Variants in DDR2 observed in about 807,000 individuals in gnomAD.
DDR2 encodes the protein discoidin domain receptor tyrosine kinase 2.
DDR2 carries 27 observed loss-of-function variants against 94.9 expected under a neutral mutation model. The ratio of observed to expected loss-of-function variants is 0.28; its 90% CI spans 0.21 to 0.39. The LOEUF (loss-of-function observed/expected upper bound fraction) is 0.39. Ranked by LOEUF, DDR2 falls within the 10% of genes least tolerant of loss-of-function variation. The pLI is 1.00. For missense variants in DDR2, 783 were observed against 1,076.0 expected (o/e 0.73, Z 3.81); for synonymous variants, 382 against 377.2 (o/e 1.01, Z -0.15).
At chr1:162,767,840 A>G (rs920474836) in intron 11 of DDR2, among the ~76,000 whole-genome samples, 2 of 27,334 alleles carry the variant, frequency 7.3e-5, no homozygotes, top group Admixed American at 7.8e-4. Context: ...GTGTAGAAAA[A>G]CATCCAGCTT....
intron 2 of DDR2, among the ~76,000 whole-genome samples, chr1:162,682,431 C>T (rs1312118842): frequency 6.6e-6 from 1 of 152,204 alleles, no homozygotes; most frequent in East Asian, 1.9e-4. Flanking sequence ...GACCAGTGAA[C>T]TGGAACTTTA....
At chr1:162,705,349 T>G (rs61811983) in intron 2 of DDR2, among the ~76,000 whole-genome samples, 14,176 of 152,312 alleles carry the variant, frequency 0.093, 730 homozygotes, top group Non-Finnish European at 0.11. Context: ...TGTGGGCTTC[T>G]CTCACCATGT....
At chr1:162,742,101 G>A (rs73026525) in intron 3 of DDR2, among the ~76,000 whole-genome samples, 239 of 152,240 alleles carry the variant, frequency 1.6e-3, no homozygotes, top group African/African-American at 5.4e-3. Context: ...GTTCAGATTT[G>A]CCCTTAAGAT....
intron 2 of DDR2, among the ~76,000 whole-genome samples, chr1:162,664,645 A>G (rs1311547513): frequency 1.3e-5 from 2 of 152,202 alleles, no homozygotes; most frequent in Non-Finnish European, 2.9e-5. Context: ...CATAGAAGAA[A>G]ACTCTAATGA....
In DDR2 at chr1:162,780,151, T is replaced by C; in HGVS notation, c.2473T>C (p.Tyr825His). Residue 825 changes from tyrosine (Y) to histidine (H), a missense_variant, in exon 18 of 18, where the codon TAT (tyrosine) becomes CAT (histidine). Tyr to His is a moderately conservative substitution (Grantham distance 83). Coordinates refer to ENST00000367921, the MANE Select transcript of DDR2 (RefSeq NM_006182.4). The stretch of plus-strand genomic sequence containing the variant: ...ACCAGCCATTTGTCCTGACTCTGTG[T>C]ATAAGCTGATGCTCAGCTGCTGGAG... ...PQPAICPDSV[Y>H]KLMLSCWRRD... 1 of 1,614,066 alleles carries C rather than the reference T, an allele frequency of 6.2e-7. No individual in the cohort carries two copies. Among genetic ancestry groups the C allele is most frequent in the Non-Finnish European group, 8.5e-7 (1 of 1,179,926 alleles).
In DDR2 at chr1:162,786,181, C is replaced by T. The variant is rs1171139032; in HGVS notation, c.*5935C>T. ...CTTGGACACAATTGAAAGCTGGCTTCCTGCAAACACACCAAGAGTCTGTAA... is the reference window on the plus strand; with the variant it reads ...CTTGGACACAATTGAAAGCTGGCTTTCTGCAAACACACCAAGAGTCTGTAA... On this transcript the variant is annotated 3_prime_UTR_variant, in exon 18 of 18. Coordinates refer to ENST00000367921, the MANE Select transcript of DDR2 (RefSeq NM_006182.4). 1.3e-5 allele frequency: 2 copies of T among 152,198 alleles called. No individual in the cohort carries two copies. The highest frequency in any genetic ancestry group is 3.8e-4 in the East Asian group (2 of 5,202). The allele number at this position is 152,198 out of a possible 1,614,324, so 9.4% of individuals were successfully genotyped here. A position where few individuals can be genotyped will look rare whatever the true frequency, so the allele number is the denominator to read the frequency against.
chr1:162,641,722 G>A (rs987250555), intron 1 of DDR2, among the ~76,000 whole-genome samples: 1 of 152,144 alleles, frequency 6.6e-6, no homozygotes, highest in Non-Finnish European at 1.5e-5. Context: ...AATTGGTTAT[G>A]CCGTTAAGAT....
At chr1:162,663,692 A>G (rs1236517162) in intron 2 of DDR2, among the ~76,000 whole-genome samples, 1 of 151,892 alleles carries the variant, frequency 6.6e-6, no homozygotes, top group Non-Finnish European at 1.5e-5. Context: ...AGTGGAGGGG[A>G]CTTGACTACA....
At chr1:162,735,375 C>G (rs1448522724) in intron 3 of DDR2, among the ~76,000 whole-genome samples, 1 of 152,182 alleles carries the variant, frequency 6.6e-6, no homozygotes, top group African/African-American at 2.4e-5. Context: ...CCTACTTCCT[C>G]TAGTTCTCAA....
chr1:162,677,434 G>T (rs541094472), intron 2 of DDR2, among the ~76,000 whole-genome samples: 4 of 152,182 alleles, frequency 2.6e-5, no homozygotes, highest in Non-Finnish European at 5.9e-5. Flanking sequence ...GCTGATTACA[G>T]TTTGCAATGC....
At chr1:162,647,977 C>A (rs1421241520) in intron 1 of DDR2, among the ~76,000 whole-genome samples, 2 of 152,186 alleles carry the variant, frequency 1.3e-5, no homozygotes, top group Non-Finnish European at 2.9e-5. Flanking sequence ...TCATTTTACC[C>A]AGTCCCTATT....
At chr1:162,688,215 A>G (rs1404805022) in intron 2 of DDR2, among the ~76,000 whole-genome samples, 3 of 152,196 alleles carry the variant, frequency 2.0e-5, no homozygotes, top group African/African-American at 7.2e-5. Flanking sequence ...ACAAGGACAC[A>G]ACTTCATGTT....
At position 162,782,740 on chromosome 1, in the gene DDR2, A is replaced by AT. The variant is rs1172996759; in HGVS notation, c.*2495dup. 6.6e-6 allele frequency: 1 copy of AT among 151,758 alleles called. No homozygotes were observed. The highest frequency in any genetic ancestry group is 2.4e-5 in the African/African-American group (1 of 41,080). 9.4% of individuals were successfully genotyped at this position (151,758 alleles called of 1,614,324 possible). ...GTTCACTGGGTTATTCTATGATTCC[A>AT]TATTTTTTTTAAAAAAAATCATATT... On this transcript the variant is annotated 3_prime_UTR_variant, in exon 18 of 18. Transcript: ENST00000367921.
At chr1:162,685,890 T>G (rs999244488) in intron 2 of DDR2, among the ~76,000 whole-genome samples, 1 of 152,226 alleles carries the variant, frequency 6.6e-6, no homozygotes, top group East Asian at 1.9e-4. Flanking sequence ...GGCTATTAAG[T>G]GGCAGGGCTG....
At chr1:162,773,838 C>G (rs1007225868) in intron 14 of DDR2, among the ~76,000 whole-genome samples, 5 of 152,164 alleles carry the variant, frequency 3.3e-5, no homozygotes, top group African/African-American at 1.2e-4. Flanking sequence ...TTCCTAACCC[C>G]CTGTGCACAA....
At chr1:162,697,578 A>G (rs1417397208) in intron 2 of DDR2, among the ~76,000 whole-genome samples, 1 of 152,176 alleles carries the variant, frequency 6.6e-6, no homozygotes, top group Non-Finnish European at 1.5e-5. Flanking sequence ...TAATGTCATG[A>G]TTATTTAATA....
chr1:162,655,114 G>A (rs949004377), intron 1 of DDR2, 97 bp from the exon 2 acceptor site: 1 of 152,016 alleles, frequency 6.6e-6, no homozygotes, highest in Non-Finnish European at 1.5e-5. Flanking sequence ...TGCTTGGAAG[G>A]TTTCTGTTGC....
intron 3 of DDR2, among the ~76,000 whole-genome samples, chr1:162,751,913 G>T (rs780247903): frequency 1.3e-5 from 2 of 152,118 alleles, no homozygotes; most frequent in African/African-American, 4.8e-5. Flanking sequence ...GCCAAGCACC[G>T]CATGTTCTCA....
chr1:162,773,459 T>A lies in DDR2; in HGVS notation c.1729-10T>A. On this transcript the variant is annotated splice_polypyrimidine_tract_variant and intron_variant, in intron 13 of 17. Transcript: ENST00000367921. The stretch of plus-strand genomic sequence containing the variant: ...AATGATGATGCTGAGACTAGATGAC[T>A]TTTGTCTAGGTTCATCTCTGTGAAG... 1 of 1,613,364 alleles carries A rather than the reference T, an allele frequency of 6.2e-7. No homozygotes were observed. Among genetic ancestry groups the A allele is most frequent in the Non-Finnish European group, 8.5e-7 (1 of 1,179,490 alleles).
Sources: gnomAD v4.1 joint callset for allele counts (sites outside exome capture counted in the v4.1 genomes callset) on GRCh38, gnomAD v4.1.1 for gene constraint, MANE v1.5 for transcripts, NCBI Gene and HGNC (gene_info 2026-07-23, HGNC 2026-07-21) for gene names.